The following CCSER1 variants were observed in gnomAD, a reference collection of about 807,000 sequenced individuals.
CCSER1 encodes the protein coiled-coil serine rich protein 1.
In CCSER1, 41 loss-of-function variants were observed where a neutral mutation model predicts 82.0. The observed-to-expected ratio is 0.50, with a 90% CI of 0.39 to 0.65. The LOEUF (loss-of-function observed/expected upper bound fraction) is 0.65, where lower values mean the gene tolerates loss of function less well. Ranked by LOEUF, CCSER1 falls within the 30% of genes least tolerant of loss-of-function variation. The pLI, the probability that CCSER1 is intolerant of heterozygous loss-of-function variation, is 0.00. For missense variants in CCSER1, 1,119 were observed against 1,064.2 expected (o/e 1.05, Z -0.72); for synonymous variants, 414 against 383.9 (o/e 1.08, Z -0.92).
intron 6 of CCSER1, among the ~76,000 whole-genome samples, chr4:90,673,388 A>T (rs1054038718): frequency 6.6e-6 from 1 of 151,966 alleles, no homozygotes; most frequent in South Asian, 2.1e-4. Flanking sequence ...TCTTACTTCT[A>T]TGGAATGCTG....
At chr4:90,233,390 G>A (rs1170646547) in intron 1 of CCSER1, among the ~76,000 whole-genome samples, 4 of 151,842 alleles carry the variant, frequency 2.6e-5, no homozygotes, top group Non-Finnish European at 4.4e-5. Flanking sequence ...ACCCAACACC[G>A]CATATTCTCA....
chr4:90,158,449 T>C (rs1339579113), intron 1 of CCSER1, among the ~76,000 whole-genome samples: 1 of 152,198 alleles, frequency 6.6e-6, no homozygotes, highest in Admixed American at 6.5e-5. Context: ...GTTACTGCTG[T>C]CTTTTTGTTT....
Position 91,347,482 on chromosome 4 carries a change from TA to T in CCSER1, c.2218-251089del, listed in dbSNP as rs1405793324. Among the ~76,000 whole-genome samples the T allele has an allele frequency of 2.2e-4, 29 of 134,368 alleles. No individual in the cohort carries two copies. The East Asian group carries it at 4.6e-3, about 21-fold the overall frequency. 88.2% of individuals were successfully genotyped at this position (134,368 alleles called of 152,430 possible). Reference sequence around the variant, plus strand: ...TCTTATGAAATTTAGAACACATTATTATTTTTTTTTTGCATCCACAAAATGA... The same window carrying T: ...TCTTATGAAATTTAGAACACATTATTTTTTTTTTTTGCATCCACAAAATGA... On this transcript the variant is annotated intron_variant, in intron 10 of 10. Coordinates refer to ENST00000509176, the MANE Select transcript of CCSER1 (RefSeq NM_001145065.2).
intron 9 of CCSER1, among the ~76,000 whole-genome samples, chr4:90,954,971 T>C (rs1304104437): frequency 6.6e-6 from 1 of 152,178 alleles, no homozygotes; most frequent in Non-Finnish European, 1.5e-5. Context: ...ACCAGATACT[T>C]TTATGCTTAG....
chr4:91,181,819 C>T (rs1388869700), intron 10 of CCSER1, among the ~76,000 whole-genome samples: 1 of 152,064 alleles, frequency 6.6e-6, no homozygotes, highest in Non-Finnish European at 1.5e-5. Context: ...CGATATGCCT[C>T]AATTATAGGA....
At chr4:90,697,888 A>G (rs776239095) in intron 6 of CCSER1, among the ~76,000 whole-genome samples, 12 of 152,148 alleles carry the variant, frequency 7.9e-5, no homozygotes, top group Non-Finnish European at 1.8e-4. Flanking sequence ...CCACACACAC[A>G]AAATGTAATA....
intron 5 of CCSER1, among the ~76,000 whole-genome samples, chr4:90,516,947 T>C (rs1469567077): frequency 6.6e-6 from 1 of 152,142 alleles, no homozygotes; most frequent in Non-Finnish European, 1.5e-5. Flanking sequence ...TACAAAGTTA[T>C]TTGGTAGTTT....
At chr4:90,946,978 C>T (rs912304379) in intron 9 of CCSER1, among the ~76,000 whole-genome samples, 3 of 151,902 alleles carry the variant, frequency 2.0e-5, no homozygotes, top group Non-Finnish European at 2.9e-5. Flanking sequence ...CTCTAAGACT[C>T]AGACTGGTGG....
chr4:90,905,500 A>G (rs1248899625), intron 8 of CCSER1, among the ~76,000 whole-genome samples: 4 of 152,042 alleles, frequency 2.6e-5, no homozygotes, highest in Non-Finnish European at 5.9e-5. Context: ...TCCTTGTCCT[A>G]TAACCTTAAA....
chr4:91,079,809 A>C (rs1467329284), intron 9 of CCSER1, among the ~76,000 whole-genome samples: 1 of 152,204 alleles, frequency 6.6e-6, no homozygotes, highest in African/African-American at 2.4e-5. Context: ...ACAAAGATCA[A>C]AAGAGACAAA....
chr4:91,496,598 ATTTG>A (rs1758831284), intron 10 of CCSER1, among the ~76,000 whole-genome samples: 1 of 30,542 alleles, frequency 3.3e-5, no homozygotes, highest in Admixed American at 3.9e-4. Flanking sequence ...ACGAATATAT[ATTTG>A]AATATATATA....
intron 9 of CCSER1, among the ~76,000 whole-genome samples, chr4:90,964,521 C>T (rs559804052): frequency 1.3e-4 from 19 of 151,340 alleles, no homozygotes; most frequent in Admixed American, 2.0e-4. Flanking sequence ...GTCAGGAGAT[C>T]GGGACCATCC....
intron 8 of CCSER1, among the ~76,000 whole-genome samples, chr4:90,905,864 C>T (rs1050010376): frequency 3.9e-5 from 6 of 151,986 alleles, no homozygotes; most frequent in South Asian, 2.1e-4. Flanking sequence ...GCCAAAATGT[C>T]GCATAACTAG....
chr4:90,575,044 A>T (rs1431305750), intron 5 of CCSER1, among the ~76,000 whole-genome samples: 3 of 151,336 alleles, frequency 2.0e-5, no homozygotes, highest in Non-Finnish European at 3.0e-5. Context: ...TTTATACACC[A>T]CTCCCTGGTT....
chr4:91,551,656 A>AACACACACACACAC (rs58159693), intron 10 of CCSER1, among the ~76,000 whole-genome samples: 2 of 139,522 alleles, frequency 1.4e-5, no homozygotes, highest in African/African-American at 2.7e-5. Flanking sequence ...GCAAAAAACA[A>AACACACACACACAC]ACACACACAC....
intron 7 of CCSER1, among the ~76,000 whole-genome samples, chr4:90,785,789 G>GT (rs1161179291): frequency 6.6e-6 from 1 of 152,048 alleles, no homozygotes; most frequent in African/African-American, 2.4e-5. Context: ...AACTGTGACT[G>GT]TGTTTTTTAA....
chr4:90,964,649 C>T (rs1014154166), intron 9 of CCSER1, among the ~76,000 whole-genome samples: 4 of 134,828 alleles, frequency 3.0e-5, no homozygotes, highest in East Asian at 2.4e-4. Context: ...GGCATGAACC[C>T]GGGAGGCAGA....
chr4:90,753,496 C>G (rs917024189), intron 7 of CCSER1, among the ~76,000 whole-genome samples: 1 of 152,180 alleles, frequency 6.6e-6, no homozygotes, highest in Middle Eastern at 3.4e-3. Context: ...CATACTCTTT[C>G]TCACACCCAT....
At chr4:91,578,264 A>G (rs900133253) in intron 10 of CCSER1, among the ~76,000 whole-genome samples, 2 of 151,952 alleles carry the variant, frequency 1.3e-5, no homozygotes, top group Non-Finnish European at 2.9e-5. Flanking sequence ...ATAGTTCCCA[A>G]TTTTTCAGTT....
Sources: allele counts gnomAD v4.1 joint callset (sites outside exome capture counted in the v4.1 genomes callset), GRCh38; gene constraint gnomAD v4.1.1; transcripts MANE v1.5; gene names NCBI Gene and HGNC (gene_info 2026-07-23, HGNC 2026-07-21).